SHANK2: variants seen among roughly 807,000 people sequenced by gnomAD.
SHANK2 encodes SH3 and multiple ankyrin repeat domains 2.
In SHANK2, 43 loss-of-function variants were observed where a neutral mutation model predicts 133.7. The observed-to-expected ratio is 0.32, with a 90% CI of 0.25 to 0.41. The LOEUF (loss-of-function observed/expected upper bound fraction) is 0.41, where lower values mean the gene tolerates loss of function less well. SHANK2 is among the 10% of genes least tolerant of loss of function. SHANK2 has a pLI of 1.00. For synonymous variants in SHANK2, 1,017 were observed against 952.8 expected (o/e 1.07, Z -1.24); for missense variants, 1,994 against 2,235.8 (o/e 0.89, Z 2.18).
intron 10 of SHANK2, among the ~76,000 whole-genome samples, chr11:70,931,390 A>T (rs1555082474): frequency 6.6e-6 from 1 of 152,220 alleles, no homozygotes; most frequent in African/African-American, 2.4e-5. Context: ...GCAGTCTTTT[A>T]AAAGAATAGC....
intron 2 of SHANK2, among the ~76,000 whole-genome samples, chr11:71,194,843 G>A (rs1953866662): frequency 2.0e-5 from 3 of 152,176 alleles, no homozygotes; most frequent in Admixed American, 2.0e-4. Context: ...CAGCTGCAGA[G>A]AGCAAGGACC....
intron 2 of SHANK2, among the ~76,000 whole-genome samples, chr11:71,162,618 T>G (rs1304281405): frequency 6.6e-6 from 1 of 152,206 alleles, no homozygotes; most frequent in African/African-American, 2.4e-5. Context: ...AAATGTCAAT[T>G]GCAAAAGAAT....
intron 8 of SHANK2, among the ~76,000 whole-genome samples, chr11:71,090,260 C>A (rs1951485237): frequency 4.6e-5 from 1 of 21,598 alleles, no homozygotes; most frequent in Non-Finnish European, 8.7e-5. Flanking sequence ...AGAAACACAA[C>A]CTCTGTGTGT....
intron 14 of SHANK2, among the ~76,000 whole-genome samples, chr11:70,774,323 T>C (rs1302723589): frequency 6.7e-6 from 1 of 150,000 alleles, no homozygotes; most frequent in East Asian, 2.0e-4. Flanking sequence ...GGGAGTGACT[T>C]TTGTTTTTTT....
intron 11 of SHANK2, among the ~76,000 whole-genome samples, chr11:70,822,146 A>T (rs530332468): frequency 6.6e-6 from 1 of 152,234 alleles, no homozygotes; most frequent in Non-Finnish European, 1.5e-5. Flanking sequence ...GGGGGGCCAA[A>T]GGCACGGGCT....
intron 6 of SHANK2, among the ~76,000 whole-genome samples, chr11:71,103,985 C>T (rs1203959562): frequency 3.3e-5 from 5 of 151,728 alleles, no homozygotes; most frequent in Admixed American, 2.0e-4. Flanking sequence ...CTTTGCCTTC[C>T]GCCATGCGTA....
chr11:70,494,332 A>AGAT (rs2058938871), intron 21 of SHANK2, among the ~76,000 whole-genome samples: 1 of 152,162 alleles, frequency 6.6e-6, no homozygotes, highest in Admixed American at 6.5e-5. Flanking sequence ...CTTTTCTTTA[A>AGAT]GATGGACTCT....
intron 17 of SHANK2, among the ~76,000 whole-genome samples, chr11:70,542,531 G>C (rs1156942689): frequency 4.6e-5 from 7 of 152,202 alleles, no homozygotes; most frequent in Admixed American, 1.3e-4. Context: ...ACAGCCCCTG[G>C]AGGTGCATGT....
intron 15 of SHANK2, among the ~76,000 whole-genome samples, chr11:70,697,776 G>A (rs782559314): frequency 4.2e-4 from 64 of 152,256 alleles, no homozygotes; most frequent in South Asian, 1.5e-3. Context: ...TAGGGCTTCC[G>A]GACCCTCCCA....
chr11:71,089,594 C>A (rs1951470628), intron 8 of SHANK2, among the ~76,000 whole-genome samples: 1 of 151,836 alleles, frequency 6.6e-6, no homozygotes, highest in Non-Finnish European at 1.5e-5. Context: ...GGGGCTCACA[C>A]CCAGTAGACG....
chr11:70,515,906 TTTTTC>T (rs2059260673), intron 17 of SHANK2, among the ~76,000 whole-genome samples: 1 of 152,210 alleles, frequency 6.6e-6, no homozygotes, highest in African/African-American at 2.4e-5. Context: ...TTTTACTTTT[TTTTTC>T]TTTGATCTCA....
In SHANK2 at chr11:70,472,849, G is replaced by A. The variant is rs782561572; in HGVS notation, c.*20C>T. On this transcript the variant is annotated 3_prime_UTR_variant, in exon 26 of 26. Coordinates refer to ENST00000601538, the MANE Select transcript of SHANK2 (RefSeq NM_012309.5). This position sits in a 1 kb window ranked among gnomAD's most constrained non-coding sequence, Gnocchi z 4.4. ...TCTACTTATAACAAGAGCAGTCTGC[G>A]AGGTGGAGAGCAGCCGTCCTTATCT... 10 of 1,610,490 alleles carry A rather than the reference G, an allele frequency of 6.2e-6. No homozygotes were observed. Among genetic ancestry groups the A allele is most frequent in the Non-Finnish European group, 7.6e-6 (9 of 1,176,788 alleles).
chr11:71,219,443 C>T (rs1342337260), intron 2 of SHANK2, among the ~76,000 whole-genome samples: 1 of 152,170 alleles, frequency 6.6e-6, no homozygotes, highest in Non-Finnish European at 1.5e-5. Context: ...AGGCAAAGAA[C>T]TTGAATAGAC....
chr11:70,949,680 GT>G (rs1331449228), intron 10 of SHANK2, among the ~76,000 whole-genome samples: 5 of 152,214 alleles, frequency 3.3e-5, no homozygotes, highest in African/African-American at 1.2e-4. Flanking sequence ...ATGGAAGGAA[GT>G]CCCCATCCCA....
intron 1 of SHANK2, among the ~76,000 whole-genome samples, chr11:71,228,932 G>T (rs555883014): frequency 6.6e-6 from 1 of 152,050 alleles, no homozygotes; most frequent in Non-Finnish European, 1.5e-5. Context: ...GGGATGCCAG[G>T]CTGTTTCAAT....
intron 9 of SHANK2, among the ~76,000 whole-genome samples, chr11:71,064,735 C>T (rs886540116): frequency 0.24 from 36,036 of 151,778 alleles, 4,870 homozygotes; most frequent in Non-Finnish European, 0.28. Context: ...GGACAAGTCC[C>T]GGGATGAGAG....
chr11:70,946,078 C>G (rs1287422483), intron 10 of SHANK2, among the ~76,000 whole-genome samples: 2 of 150,540 alleles, frequency 1.3e-5, no homozygotes, highest in African/African-American at 4.9e-5. Flanking sequence ...CAACCCTTCT[C>G]AGGCTCAACC....
chr11:71,164,609 C>A (rs1555110465), intron 2 of SHANK2, among the ~76,000 whole-genome samples: 1 of 152,212 alleles, frequency 6.6e-6, no homozygotes, highest in Non-Finnish European at 1.5e-5. Flanking sequence ...GAACATCACA[C>A]AACAAAATCA....
chr11:70,808,204 TTTTA>T (rs1398353423), intron 12 of SHANK2, among the ~76,000 whole-genome samples: 1 of 152,154 alleles, frequency 6.6e-6, no homozygotes, highest in African/African-American at 2.4e-5. Flanking sequence ...TTTTACTTCA[TTTTA>T]TTTATTTATT....
Sources: allele counts gnomAD v4.1 joint callset (sites outside exome capture counted in the v4.1 genomes callset), GRCh38; gene constraint gnomAD v4.1.1; non-coding constraint Gnocchi (gnomAD v3.1); transcripts MANE v1.5; gene names NCBI Gene and HGNC (gene_info 2026-07-23, HGNC 2026-07-21).